Variants in NAALADL2 observed in about 807,000 individuals in gnomAD.
NAALADL2 encodes the protein inactive N-acetylated-alpha-linked acidic dipeptidase-like protein 2.
NAALADL2 carries 76 observed loss-of-function variants against 87.2 expected under a neutral mutation model. The observed-to-expected ratio is 0.87, with a 90% CI of 0.72 to 1.05. The LOEUF (loss-of-function observed/expected upper bound fraction) is 1.05, where lower values mean the gene tolerates loss of function less well. Ranked by LOEUF, NAALADL2 falls within the 50% of genes least tolerant of loss-of-function variation. The pLI, the probability that NAALADL2 is intolerant of heterozygous loss-of-function variation, is 0.00. For missense variants in NAALADL2, 1,089 were observed against 945.8 expected (o/e 1.15, Z -1.99); for synonymous variants, 354 against 331.0 (o/e 1.07, Z -0.75).
chr3:174,508,182 C>T (rs1237607043), intron 1 of NAALADL2, among the ~76,000 whole-genome samples: 3 of 131,674 alleles, frequency 2.3e-5, no homozygotes, highest in African/African-American at 5.7e-5. Flanking sequence ...GGCACGATTT[C>T]GGCTCACTGC....
At position 174,579,968 on chromosome 3, in the gene NAALADL2, G is replaced by C. The variant is rs370754726; in HGVS notation, c.-115+29331G>C. On this transcript the variant is annotated intron_variant, in intron 2 of 3. Coordinates refer to the NAALADL2 transcript ENST00000434257. ...TACTTTGTGATCATATGCCCAGTGA[G>C]AGGGAAAAAAAATAAGAAATTGCTA... 1.3e-4 allele frequency among the ~76,000 whole-genome samples: 19 copies of C among 151,910 alleles called. No homozygotes were observed. The South Asian group carries it at 2.7e-3, about 22-fold the overall frequency.
chr3:175,036,309 A>G (rs1256985969), intron 1 of NAALADL2, among the ~76,000 whole-genome samples: 1 of 152,200 alleles, frequency 6.6e-6, no homozygotes, highest in Non-Finnish European at 1.5e-5. Flanking sequence ...ATGTTTTAAA[A>G]ATAACAAAAT....
chr3:175,750,210 A>T (rs1436592321), intron 12 of NAALADL2, among the ~76,000 whole-genome samples: 3 of 152,116 alleles, frequency 2.0e-5, no homozygotes, highest in African/African-American at 7.2e-5. Context: ...CCTCTCTGCT[A>T]CACCACATTG....
intron 1 of NAALADL2, among the ~76,000 whole-genome samples, chr3:174,880,643 C>T (rs984836242): frequency 2.8e-5 from 4 of 145,068 alleles, no homozygotes; most frequent in South Asian, 2.2e-4. Context: ...CTCTTCCCTC[C>T]GCCTAGATTA....
At chr3:174,632,317 A>G (rs1190131294) in intron 2 of NAALADL2, among the ~76,000 whole-genome samples, 4 of 152,222 alleles carry the variant, frequency 2.6e-5, no homozygotes, top group African/African-American at 4.8e-5. Context: ...TTTGAGCAGT[A>G]AAGAGAGGAG....
intron 1 of NAALADL2, among the ~76,000 whole-genome samples, chr3:175,009,903 A>G (rs1397689977): frequency 6.6e-6 from 1 of 152,028 alleles, no homozygotes; most frequent in Admixed American, 6.6e-5. Context: ...ATATAATATT[A>G]TGTAATGAAA....
At chr3:174,586,753 A>G (rs2108573517) in intron 2 of NAALADL2, among the ~76,000 whole-genome samples, 1 of 152,240 alleles carries the variant, frequency 6.6e-6, no homozygotes, top group South Asian at 2.1e-4. Context: ...TTTCTGCCAT[A>G]TAGGGTCATT....
intron 1 of NAALADL2, among the ~76,000 whole-genome samples, chr3:175,008,020 T>A (rs777136068): frequency 1.3e-5 from 2 of 151,716 alleles, no homozygotes; most frequent in African/African-American, 2.4e-5. Context: ...ATTTCCCGGG[T>A]AGGATTGGAC....
chr3:175,302,618 AT>A (rs1286517030), intron 4 of NAALADL2, among the ~76,000 whole-genome samples: 1 of 152,196 alleles, frequency 6.6e-6, no homozygotes, highest in Non-Finnish European at 1.5e-5. Flanking sequence ...ATTACTAAAA[AT>A]ACCTTCTACT....
chr3:174,827,994 G>T (rs1290586310), intron 3 of NAALADL2, among the ~76,000 whole-genome samples: 1 of 152,038 alleles, frequency 6.6e-6, no homozygotes, highest in South Asian at 2.1e-4. Context: ...AGAAGGCTGG[G>T]TATCATAGCG....
chr3:174,559,159 G>A (rs564613506), intron 2 of NAALADL2, among the ~76,000 whole-genome samples: 3 of 152,058 alleles, frequency 2.0e-5, no homozygotes, highest in Non-Finnish European at 4.4e-5. Flanking sequence ...ACGGTGAGCA[G>A]GTCTATGCAA....
chr3:174,972,087 T>C (rs1743762051), intron 1 of NAALADL2, among the ~76,000 whole-genome samples: 1 of 152,118 alleles, frequency 6.6e-6, no homozygotes, highest in South Asian at 2.1e-4. Flanking sequence ...TTGGTCACAG[T>C]CACCGCCCCT....
chr3:174,747,339 A>G (rs1734357824), intron 3 of NAALADL2, among the ~76,000 whole-genome samples: 1 of 152,186 alleles, frequency 6.6e-6, no homozygotes, highest in Non-Finnish European at 1.5e-5. Flanking sequence ...GCTCTATATC[A>G]GTGTTCATCA....
At chr3:175,473,674 T>C (rs1023554485) in intron 9 of NAALADL2, among the ~76,000 whole-genome samples, 3 of 151,938 alleles carry the variant, frequency 2.0e-5, no homozygotes. Context: ...AACTCAAATC[T>C]ATAAGTGTTA....
chr3:174,947,197 G>T (rs937991748), intron 1 of NAALADL2, among the ~76,000 whole-genome samples: 3 of 152,112 alleles, frequency 2.0e-5, no homozygotes, highest in Non-Finnish European at 1.5e-5. Flanking sequence ...AGTTATTCTG[G>T]TCAGGTTGTA....
At chr3:175,261,448 A>G (rs1204428410) in intron 4 of NAALADL2, among the ~76,000 whole-genome samples, 2 of 152,190 alleles carry the variant, frequency 1.3e-5, no homozygotes, top group African/African-American at 4.8e-5. Flanking sequence ...TCCACAGTAC[A>G]TATCAACCCC....
intron 1 of NAALADL2, among the ~76,000 whole-genome samples, chr3:174,880,683 C>T (rs1348336478): frequency 2.0e-5 from 3 of 152,108 alleles, no homozygotes; most frequent in Non-Finnish European, 4.4e-5. Flanking sequence ...TTTGGCTTTA[C>T]TCCTTCACCT....
intron 9 of NAALADL2, among the ~76,000 whole-genome samples, chr3:175,558,066 G>A (rs1210820590): frequency 6.6e-6 from 1 of 151,366 alleles, no homozygotes; most frequent in African/African-American, 2.4e-5. Flanking sequence ...GTGGTGGCGG[G>A]CGCCTGTAGT....
upstream of NAALADL2, among the ~76,000 whole-genome samples, chr3:174,854,826 C>A (rs1429207720): frequency 7.5e-6 from 1 of 134,164 alleles, no homozygotes; most frequent in African/African-American, 2.8e-5. Context: ...ATGTGCTTTG[C>A]TTTTTTTTCT....
Sources: gnomAD v4.1 joint callset for allele counts (sites outside exome capture counted in the v4.1 genomes callset) on GRCh38, gnomAD v4.1.1 for gene constraint, MANE v1.5 for transcripts, NCBI Gene and HGNC (gene_info 2026-07-23, HGNC 2026-07-21) for gene names.